Variants in KIF6 observed in about 807,000 individuals in gnomAD.
The protein encoded by KIF6 is kinesin family member 6, also known as kinesin-like protein KIF6.
In KIF6, 106 loss-of-function variants were observed where a neutral mutation model predicts 112.7. The observed-to-expected ratio is 0.94, with a 90% CI of 0.80 to 1.11. The LOEUF is 1.11. Among genes scored for constraint, KIF6 ranks in the 50% least tolerant of loss-of-function variants. The pLI is 0.00. For synonymous variants in KIF6, 339 were observed against 339.9 expected, an observed-to-expected ratio of 1.00 and a Z score of 0.03; for missense variants, 929 against 964.0, an observed-to-expected ratio of 0.96 and a Z score of 0.48.
intron 3 of KIF6, among the ~76,000 whole-genome samples, chr6:39,647,614 C>T (rs986798434): frequency 6.6e-6 from 1 of 152,088 alleles, no homozygotes; most frequent in African/African-American, 2.4e-5. Context: ...TATCCCCTGC[C>T]CTTCAGCACA....
intron 13 of KIF6, among the ~76,000 whole-genome samples, chr6:39,506,108 C>T (rs1190854486): frequency 6.6e-6 from 1 of 152,150 alleles, no homozygotes; most frequent in African/African-American, 2.4e-5. Context: ...CAACTTAATG[C>T]TCACCAATGA....
At chr6:39,651,767 G>T (rs753364706) in intron 3 of KIF6, among the ~76,000 whole-genome samples, 5 of 152,086 alleles carry the variant, frequency 3.3e-5, no homozygotes, top group Non-Finnish European at 7.3e-5. Flanking sequence ...GGCATAGAAA[G>T]GTAAATAAAA....
intron 13 of KIF6, among the ~76,000 whole-genome samples, chr6:39,510,872 CAAAA>C (rs1180631310): frequency 1.7e-4 from 4 of 23,870 alleles, no homozygotes; most frequent in South Asian, 5.3e-3. Context: ...AAATGGGAAG[CAAAA>C]AAAAAAAAAA....
intron 13 of KIF6, among the ~76,000 whole-genome samples, chr6:39,460,338 C>G (rs1773382311): frequency 9.6e-6 from 1 of 104,040 alleles, no homozygotes; most frequent in Non-Finnish European, 1.8e-5. Context: ...ATCACATGGA[C>G]ACAGGAAGGG....
intron 15 of KIF6, among the ~76,000 whole-genome samples, chr6:39,401,136 C>T (rs1035195222): frequency 6.6e-6 from 1 of 152,202 alleles, no homozygotes; most frequent in African/African-American, 2.4e-5. Context: ...AAATAGGTGC[C>T]CCTAATTCCT....
chr6:39,666,632 T>A (rs989502755), intron 3 of KIF6, among the ~76,000 whole-genome samples: 1 of 152,196 alleles, frequency 6.6e-6, no homozygotes, highest in Admixed American at 6.5e-5. Context: ...TTAGCAAGTG[T>A]CTTTGGTCCA....
At chr6:39,337,193 T>TTCTTTCTTTCTTTCTTTCTTTCTC in intron 22 of KIF6, among the ~76,000 whole-genome samples, 2 of 99,998 alleles carry the variant, frequency 2.0e-5, no homozygotes, top group Non-Finnish European at 3.6e-5. Context: ...CTTTCTTTCT[T>TTCTTTCTTTCTTTCTTTCTTTCTC]TCTTTCTTTC....
At chr6:39,694,824 A>C (rs760608426) in intron 3 of KIF6, among the ~76,000 whole-genome samples, 4 of 152,176 alleles carry the variant, frequency 2.6e-5, no homozygotes, top group Non-Finnish European at 5.9e-5. Context: ...ACTATCCTAA[A>C]ATTCATATGG....
intron 6 of KIF6, among the ~76,000 whole-genome samples, chr6:39,607,405 A>T (rs986763882): frequency 2.0e-5 from 3 of 152,140 alleles, no homozygotes; most frequent in Non-Finnish European, 4.4e-5. Context: ...TTCATATATA[A>T]AATATAAGAA....
intron 15 of KIF6, among the ~76,000 whole-genome samples, chr6:39,402,520 G>T (rs185394256): frequency 6.6e-6 from 1 of 152,160 alleles, no homozygotes; most frequent in East Asian, 1.9e-4. Flanking sequence ...ATCTCCTGAG[G>T]CACATTTAAG....
chr6:39,468,581 A>C (rs1773936079), intron 13 of KIF6, among the ~76,000 whole-genome samples: 1 of 152,132 alleles, frequency 6.6e-6, no homozygotes, highest in Non-Finnish European at 1.5e-5. Context: ...ATACTGATGA[A>C]GAAAAAGCTG....
chr6:39,666,934 C>A (rs1387122213), intron 3 of KIF6, among the ~76,000 whole-genome samples: 1 of 152,140 alleles, frequency 6.6e-6, no homozygotes, highest in Non-Finnish European at 1.5e-5. Context: ...GCTTTTGCAG[C>A]ACCAATAATA....
intron 19 of KIF6, among the ~76,000 whole-genome samples, chr6:39,352,606 CTT>C (rs34771617): frequency 5.3e-4 from 75 of 140,780 alleles, no homozygotes; most frequent in East Asian, 1.0e-3. Context: ...CCTGATAGCT[CTT>C]TTTTTTTTTT....
intron 13 of KIF6, among the ~76,000 whole-genome samples, chr6:39,453,211 A>G (rs1321926788): frequency 6.6e-6 from 1 of 152,212 alleles, no homozygotes; most frequent in Non-Finnish European, 1.5e-5. Context: ...TGAAATGATC[A>G]TTACCTCTTT....
At chr6:39,437,079 C>T (rs1420290934) in intron 13 of KIF6, among the ~76,000 whole-genome samples, 1 of 151,800 alleles carries the variant, frequency 6.6e-6, no homozygotes, top group Non-Finnish European at 1.5e-5. Flanking sequence ...AGAGATTTTT[C>T]ACCTCATTTG....
chr6:39,486,542 C>A (rs987488252), intron 13 of KIF6, among the ~76,000 whole-genome samples: 10 of 152,224 alleles, frequency 6.6e-5, no homozygotes, highest in African/African-American at 2.4e-4. Context: ...TGCTTTATAC[C>A]ACCAAGTTTT....
At chr6:39,359,134 A>G (rs1420498940) in intron 18 of KIF6, among the ~76,000 whole-genome samples, 1 of 152,144 alleles carries the variant, frequency 6.6e-6, no homozygotes, top group Non-Finnish European at 1.5e-5. Flanking sequence ...TCCTTGGCAA[A>G]TCATCTTCTC....
At chr6:39,564,702 T>C (rs1780191619) in intron 10 of KIF6, among the ~76,000 whole-genome samples, 1 of 152,204 alleles carries the variant, frequency 6.6e-6, no homozygotes, top group South Asian at 2.1e-4. Flanking sequence ...TGCTGTAAGT[T>C]GGATGTATAC....
intron 13 of KIF6, among the ~76,000 whole-genome samples, chr6:39,507,638 CCCTTCCTTCCTT>C (rs771041554): frequency 4.0e-3 from 118 of 29,852 alleles, no homozygotes; most frequent in Middle Eastern, 0.02. Flanking sequence ...CTTTCCTTTC[CCCTTCCTTCCTT>C]CCTTCCTTCC....
Sources: gnomAD v4.1 joint callset for allele counts (sites outside exome capture counted in the v4.1 genomes callset) on GRCh38, gnomAD v4.1.1 for gene constraint, MANE v1.5 for transcripts, NCBI Gene and HGNC (gene_info 2026-07-23, HGNC 2026-07-21) for gene names.